The following DDX10 variants were observed in gnomAD, a reference collection of about 807,000 sequenced individuals.
DDX10 encodes probable ATP-dependent RNA helicase DDX10.
DDX10 carries 74 observed loss-of-function variants against 104.3 expected under a neutral mutation model. The ratio of observed to expected loss-of-function variants is 0.71; its 90% CI spans 0.59 to 0.86. The LOEUF is 0.86. Ranked by LOEUF, DDX10 falls within the 40% of genes least tolerant of loss-of-function variation. DDX10 has a pLI of 0.00. For synonymous variants in DDX10, 351 were observed against 353.4 expected (o/e 0.99, Z 0.08); for missense variants, 952 against 1,040.0 (o/e 0.92, Z 1.16).
At chr11:108,900,999 A>G (rs1043654810) in intron 16 of DDX10, among the ~76,000 whole-genome samples, 4 of 152,094 alleles carry the variant, frequency 2.6e-5, no homozygotes, top group African/African-American at 9.7e-5. Flanking sequence ...CGTAAGTGAA[A>G]TGGCATCTCC....
At chr11:108,852,069 T>C (rs1862800425) in intron 15 of DDX10, 84 bp from the exon 16 acceptor site, 2 of 1,090,984 alleles carry the variant, frequency 1.8e-6, no homozygotes, top group Admixed American at 4.8e-5. Flanking sequence ...TAGTTAGCTT[T>C]AGGAAATAAA....
chr11:108,750,946 T>A (rs969390144), intron 13 of DDX10, among the ~76,000 whole-genome samples: 1 of 119,986 alleles, frequency 8.3e-6, no homozygotes, highest in Non-Finnish European at 1.6e-5. Context: ...TTTTTTTTTT[T>A]TTTTTTTTTT....
chr11:108,866,348 A>C (rs1863008100), intron 16 of DDX10, among the ~76,000 whole-genome samples: 1 of 152,166 alleles, frequency 6.6e-6, no homozygotes, highest in Admixed American at 6.5e-5. Context: ...AGGATTCGGC[A>C]ATGAGAGTAT....
chr11:108,801,896 T>C (rs1862026120), intron 13 of DDX10, among the ~76,000 whole-genome samples: 1 of 151,914 alleles, frequency 6.6e-6, no homozygotes, highest in Non-Finnish European at 1.5e-5. Flanking sequence ...AAATACAACA[T>C]TGGAAAAAGA....
At chr11:108,809,018 A>G (rs924844078) in intron 13 of DDX10, among the ~76,000 whole-genome samples, 14 of 152,146 alleles carry the variant, frequency 9.2e-5, no homozygotes, top group African/African-American at 3.1e-4. Context: ...AGTGGAAAAT[A>G]ACTTTTTTTT....
intron 1 of DDX10, among the ~76,000 whole-genome samples, chr11:108,671,022 G>T (rs1438416034): frequency 2.0e-5 from 3 of 152,136 alleles, no homozygotes; most frequent in African/African-American, 7.2e-5. Flanking sequence ...TCCAACAGCC[G>T]TGGGAAGCCT....
intron 15 of DDX10, among the ~76,000 whole-genome samples, chr11:108,848,975 T>C (rs536035715): frequency 1.3e-5 from 2 of 152,306 alleles, no homozygotes; most frequent in South Asian, 2.1e-4. Flanking sequence ...AGTGAATCAG[T>C]GTTTCCACAT....
At chr11:108,669,393 G>T (rs780996837) in intron 1 of DDX10, among the ~76,000 whole-genome samples, 71 of 152,290 alleles carry the variant, frequency 4.7e-4, no homozygotes, top group Non-Finnish European at 9.3e-4. Flanking sequence ...ACTGTGCCTG[G>T]TGGAGCTAGT....
intron 13 of DDX10, among the ~76,000 whole-genome samples, chr11:108,833,675 A>T (rs1862505748): frequency 6.6e-6 from 1 of 152,206 alleles, no homozygotes; most frequent in African/African-American, 2.4e-5. Context: ...ACATTTTGTC[A>T]TGTAATTTTA....
intron 16 of DDX10, among the ~76,000 whole-genome samples, chr11:108,913,450 C>A (rs993727232): frequency 6.6e-6 from 1 of 152,116 alleles, no homozygotes; most frequent in African/African-American, 2.4e-5. Flanking sequence ...GCAGAGGAAG[C>A]AATCAGATAA....
chr11:108,718,659 A>G (rs555577127), intron 11 of DDX10, among the ~76,000 whole-genome samples: 3 of 152,336 alleles, frequency 2.0e-5, no homozygotes, highest in African/African-American at 7.2e-5. Context: ...AGTGTGTTGA[A>G]ATAAATGATG....
In DDX10 at chr11:108,940,327, G is replaced by C; in HGVS notation, c.2532G>C (p.Lys844Asn). 1.9e-6 allele frequency: 3 copies of C among 1,614,062 alleles called. No individual in the cohort carries two copies. The highest frequency in any genetic ancestry group is 2.5e-6 in the Non-Finnish European group (3 of 1,180,020). ...EDVGPTSHNR[K>N]KARWDTLEPL... Reference sequence around the variant, plus strand: ...TGGGACCAACAAGTCATAACAGAAAGAAGGCCAGGTGGGACACTTTAGAGC... The same window carrying C: ...TGGGACCAACAAGTCATAACAGAAACAAGGCCAGGTGGGACACTTTAGAGC... The change falls in exon 18 of 18, where the codon AAG becomes AAC. Residue 844 changes from lysine to asparagine, a missense_variant. Around this residue, in one of 3 missense-constraint regions of DDX10, gnomAD observed 533 missense variants for 534.1 expected, o/e 1.00. Coordinates refer to ENST00000322536, the MANE Select transcript of DDX10 (RefSeq NM_004398.4).
intron 13 of DDX10, among the ~76,000 whole-genome samples, chr11:108,789,843 T>G (rs945749462): frequency 2.6e-5 from 4 of 152,192 alleles, no homozygotes; most frequent in African/African-American, 9.6e-5. Flanking sequence ...AAGATCAAGG[T>G]TTTATCCATC....
At chr11:108,835,833 G>T (rs1252275588) in intron 13 of DDX10, among the ~76,000 whole-genome samples, 3 of 152,012 alleles carry the variant, frequency 2.0e-5, no homozygotes, top group Non-Finnish European at 4.4e-5. Flanking sequence ...TTTGAGGCGT[G>T]GTGGGGGGTG....
intron 13 of DDX10, among the ~76,000 whole-genome samples, chr11:108,754,801 A>C (rs1211573376): frequency 6.6e-6 from 1 of 152,032 alleles, no homozygotes; most frequent in Non-Finnish European, 1.5e-5. Context: ...CTTATTCACT[A>C]TTCTATCCCT....
rs1443941797 is a variant in DDX10, at chr11:108,723,438, C to A, written c.1941C>A (p.Asp647Glu). The change falls in exon 13 of 18, where the codon GAC (aspartate) becomes GAA (glutamate). Residue 647 changes from aspartate to glutamate, a missense_variant. By Grantham distance (45) the Asp-to-Glu change is conservative. Coordinates refer to ENST00000322536, the MANE Select transcript of DDX10 (RefSeq NM_004398.4). Reference protein sequence around the residue: ...KVKRHNVFGLDLKDEKTLQKK... With the variant: ...KVKRHNVFGLELKDEKTLQKK... ...AGCGGCATAATGTGTTTGGATTGGA[C>A]CTTAAAGACGAGAAAACATTACAGG... 2 of 1,611,868 alleles carry A rather than the reference C, an allele frequency of 1.2e-6. No individual in the cohort carries two copies. Among genetic ancestry groups the A allele is most frequent in the Non-Finnish European group, 1.7e-6 (2 of 1,179,178 alleles).
At chr11:108,791,768 G>A (rs989301816) in intron 13 of DDX10, among the ~76,000 whole-genome samples, 1 of 152,192 alleles carries the variant, frequency 6.6e-6, no homozygotes, top group African/African-American at 2.4e-5. Flanking sequence ...TATATGTCTT[G>A]TGGATGTAGG....
intron 13 of DDX10, among the ~76,000 whole-genome samples, chr11:108,831,790 A>C (rs1196493436): frequency 6.6e-6 from 1 of 152,056 alleles, no homozygotes; most frequent in Non-Finnish European, 1.5e-5. Context: ...TCTTGTAGCC[A>C]ATGTTAGCTA....
chr11:108,840,439 A>G (rs1184107026), intron 14 of DDX10, among the ~76,000 whole-genome samples: 1 of 152,198 alleles, frequency 6.6e-6, no homozygotes. Context: ...TGTTGTCTGA[A>G]TTGTCTATAG....
Sources: gnomAD v4.1 joint callset for allele counts (sites outside exome capture counted in the v4.1 genomes callset) on GRCh38, gnomAD v4.1.1 for gene constraint, gnomAD v4.1.1 regional missense constraint, MANE v1.5 for transcripts, NCBI Gene and HGNC (gene_info 2026-07-23, HGNC 2026-07-21) for gene names.